Variants in TMEM126B observed in about 807,000 individuals in gnomAD.
TMEM126B encodes the protein transmembrane protein 126B.
Under a neutral mutation model 16.5 loss-of-function variants are expected in TMEM126B, and 19 were observed. That is an observed-to-expected ratio of 1.15 (90% CI 0.80 to 1.69). TMEM126B has a LOEUF of 1.69. TMEM126B is among the 40% of genes most tolerant of loss of function. The pLI, the probability that TMEM126B is intolerant of heterozygous loss-of-function variation, is 0.00. For synonymous variants in TMEM126B, 104 were observed against 93.2 expected, an observed-to-expected ratio of 1.12 and a Z score of -0.67; for missense variants, 293 against 278.7, an observed-to-expected ratio of 1.05 and a Z score of -0.37.
At chr11:85,635,944 A>T in intron 4 of TMEM126B, 102 bp from the exon 5 acceptor site, 1 of 1,335,074 alleles carries the variant, frequency 7.5e-7, no homozygotes, top group Non-Finnish European at 1.0e-6. Flanking sequence ...TTTGCTCTCT[A>T]CATTATAGAT....
At chr11:85,633,561 G>A (rs978992404) in intron 2 of TMEM126B, among the ~76,000 whole-genome samples, 1 of 152,196 alleles carries the variant, frequency 6.6e-6, no homozygotes, top group African/African-American at 2.4e-5. Flanking sequence ...CAGTGATGGT[G>A]AGCATTTTTT....
At chr11:85,628,752 T>A in intron 1 of TMEM126B, 64 bp downstream of exon 1, 1 of 1,437,788 alleles carries the variant, frequency 7.0e-7, no homozygotes, top group Non-Finnish European at 9.4e-7. Context: ...TGGCAGACTC[T>A]TCTAAGATGA....
chr11:85,631,377 C>T (rs1258451152), intron 1 of TMEM126B: 2 of 1,141,380 alleles, frequency 1.8e-6, no homozygotes, highest in Admixed American at 3.6e-5. Flanking sequence ...TCAGTTTGCT[C>T]ATATGTATAG....
In TMEM126B at chr11:85,635,776, C is replaced by CAAGTAAGT; in HGVS notation, c.508_509+6dup. 62 of 1,553,728 alleles carry CAAGTAAGT rather than the reference C, an allele frequency of 4.0e-5. No individual in the cohort carries two copies. The South Asian group carries it at 7.3e-4, about 18-fold the overall frequency. ...TTACTAAAAATGGACGCCTGGCAACCAAGTAAGTTCTTCCTTTTCCTTCTT... is the reference window on the plus strand; with the variant it reads ...TTACTAAAAATGGACGCCTGGCAACCAAGTAAGTAAGTAAGTTCTTCCTTTTCCTTCTT... On this transcript the variant is annotated stop_gained and frameshift_variant and splice_region_variant, in exon 4 of 5. Transcript: ENST00000358867. LOFTEE classifies it low-confidence loss of function (END_TRUNC).
chr11:85,634,071 CTT>C lies in TMEM126B; in HGVS notation c.204-9_204-8del. 1 of 1,592,726 alleles carries C rather than the reference CTT, an allele frequency of 6.3e-7. No individual in the cohort carries two copies. Among genetic ancestry groups the C allele is most frequent in the Non-Finnish European group, 8.5e-7 (1 of 1,173,692 alleles). On this transcript the variant is annotated splice_polypyrimidine_tract_variant and intron_variant, in intron 2 of 4. Transcript: ENST00000358867. ...CAATGGTATAGTGAACTGAATTTTT[CTT>C]TTTTTCTATTAGGACACAAAATATA...
intron 2 of TMEM126B, among the ~76,000 whole-genome samples, chr11:85,633,457 A>G (rs2082343860): frequency 6.6e-6 from 1 of 152,216 alleles, no homozygotes; most frequent in African/African-American, 2.4e-5. Flanking sequence ...CATCCTCTCC[A>G]GCACCTGTTG....
At chr11:85,633,274 T>G (rs956589789) in intron 2 of TMEM126B, among the ~76,000 whole-genome samples, 34 of 152,338 alleles carry the variant, frequency 2.2e-4, no homozygotes, top group East Asian at 1.3e-3. Context: ...CGTGTGCATG[T>G]GTCTTTATAG....
Position 85,633,352 on chromosome 11 carries a change from G to A in TMEM126B, c.204-734G>A, listed in dbSNP as rs1045106301. On this transcript the variant is annotated intron_variant, in intron 2 of 4. Coordinates refer to ENST00000358867, the MANE Select transcript of TMEM126B (RefSeq NM_018480.7). The stretch of plus-strand genomic sequence containing the variant: ...ATGGCTGGGTCAAATGGTATTTCTA[G>A]TTCTAGATCCCTGAGGAATCGTGAC... 2.6e-5 allele frequency among the ~76,000 whole-genome samples: 4 copies of A among 152,154 alleles called. No homozygotes were observed. The East Asian group carries it at 7.7e-4, about 29-fold the overall frequency.
rs1472610540 is a variant in TMEM126B at position 85,636,383 on chromosome 11, T to C, written c.*154T>C. 3 of 462,850 alleles carry C rather than the reference T, an allele frequency of 6.5e-6. No individual in the cohort carries two copies. 28.7% of individuals were successfully genotyped at this position (462,850 alleles called of 1,614,324 possible). A position where few individuals can be genotyped will look rare whatever the true frequency, so the allele number is the denominator to read the frequency against. ...AAATACTCAAAAAGTATTCAATAAT[T>C]CAATCAATAAATATAAGTTTCATCT... On this transcript the variant is annotated 3_prime_UTR_variant, in exon 5 of 5. Coordinates refer to ENST00000358867, the MANE Select transcript of TMEM126B (RefSeq NM_018480.7).
chr11:85,632,193 C>T (rs180994421), intron 2 of TMEM126B, among the ~76,000 whole-genome samples: 1 of 152,204 alleles, frequency 6.6e-6, no homozygotes. Context: ...GTACTTAGTA[C>T]AGCAAAAGGG....
Position 85,635,734 on chromosome 11 carries a change from T to TAGAAAACA in TMEM126B, c.465_466insAGAAAACA (p.Pro156ArgfsTer31). The TAGAAAACA allele has an allele frequency of 3.1e-6, 5 of 1,608,052 alleles. No individual in the cohort carries two copies. Among genetic ancestry groups the TAGAAAACA allele is most frequent in the Non-Finnish European group, 4.2e-6 (5 of 1,178,498 alleles). The stretch of plus-strand genomic sequence containing the variant: ...TTGGCATAGTTTGTGGTGTTTTCTA[T>TAGAAAACA]CCCAGTTCTTTGGCTTTTACTAAAA... On this transcript the variant is annotated frameshift_variant, in exon 4 of 5. Coordinates refer to ENST00000358867, the MANE Select transcript of TMEM126B (RefSeq NM_018480.7). LOFTEE classifies it low-confidence loss of function (END_TRUNC).
chr11:85,636,510 T>G lies in TMEM126B; in HGVS notation c.*281T>G. On this transcript the variant is annotated 3_prime_UTR_variant, in exon 5 of 5. Coordinates refer to ENST00000358867, the MANE Select transcript of TMEM126B (RefSeq NM_018480.7). ...TGTCAATAAATGTAACAATAAAAGT[T>G]TCATCTTTCCTCTTTGTATGTGGAA... 5.2e-6 allele frequency: 1 copy of G among 192,668 alleles called. No homozygotes were observed. The highest frequency in any genetic ancestry group is 1.1e-5 in the Non-Finnish European group (1 of 95,130). The allele number at this position is 192,668 out of a possible 1,614,324, so 11.9% of individuals were successfully genotyped here. A position where few individuals can be genotyped will look rare whatever the true frequency, so the allele number is the denominator to read the frequency against.
Position 85,636,178 on chromosome 11 carries a change from C to T in TMEM126B, c.642C>T (p.Tyr214=), listed in dbSNP as rs1440831916. The T allele has an allele frequency of 6.3e-7, 1 of 1,599,376 alleles. No homozygotes were observed. The change falls in exon 5 of 5, where the codon TAC becomes TAT. Residue 214 remains tyrosine, a synonymous_variant. Transcript: ENST00000358867. ...QIMFGILNGL[Y]HYAVFEETLE... ...TGTTTGGAATATTAAATGGTCTATA[C>T]CATTATGCAGTATTTGAAGAGACAC...
chr11:85,629,576 G>A (rs1482823295), intron 1 of TMEM126B, among the ~76,000 whole-genome samples: 1 of 152,166 alleles, frequency 6.6e-6, no homozygotes. Flanking sequence ...TGTAGACTAG[G>A]TAGGAGATTA....
At chr11:85,632,203 G>T (rs2082313475) in intron 2 of TMEM126B, among the ~76,000 whole-genome samples, 1 of 152,104 alleles carries the variant, frequency 6.6e-6, no homozygotes, top group Non-Finnish European at 1.5e-5. Flanking sequence ...CAGCAAAAGG[G>T]AATACAGATT....
intron 4 of TMEM126B, 130 bp downstream of exon 4, chr11:85,635,908 A>G (rs1591456917): frequency 9.1e-7 from 1 of 1,097,704 alleles, no homozygotes; most frequent in African/African-American, 1.7e-5. Flanking sequence ...GTAGTTTGGT[A>G]TTTCAGATAG....
At position 85,631,204 on chromosome 11, in the gene TMEM126B, TG is replaced by T. The variant is rs569122436; in HGVS notation, c.82-482del. 6.2e-4 allele frequency: 802 copies of T among 1,290,230 alleles called. 9 individuals carry two copies. In the South Asian group the frequency reaches 9.4e-3, roughly 15 times the overall value. The allele number at this position is 1,290,230 out of a possible 1,614,324, so 79.9% of individuals were successfully genotyped here. On this transcript the variant is annotated intron_variant, in intron 1 of 4. Coordinates refer to ENST00000358867, the MANE Select transcript of TMEM126B (RefSeq NM_018480.7). ...TTTCATGAGAAACTGAGGATAGAGA[TG>T]TCAATAAGCAGCCACTGTTTCCACC...
Position 85,631,757 on chromosome 11 carries a change from C to G in TMEM126B, c.152C>G (p.Pro51Arg), listed in dbSNP as rs753343420. The change falls in exon 2 of 5, where the codon CCA (proline) becomes CGA (arginine). Residue 51 changes from proline to arginine, a missense_variant. Pro to Arg is a moderately radical substitution (Grantham distance 103). Coordinates refer to ENST00000358867, the MANE Select transcript of TMEM126B (RefSeq NM_018480.7). ...CTAGAAGATGCAAAACTCAGAAGAC[C>G]AATGGTCATAGAAATCATAGAAAAA... is the stretch of plus-strand genomic sequence containing the variant. ...PSLEDAKLRR[P>R]MVIEIIEKNF... 2.5e-6 allele frequency: 4 copies of G among 1,612,578 alleles called. No homozygotes were observed. Among genetic ancestry groups the G allele is most frequent in the African/African-American group, 1.3e-5 (1 of 74,752 alleles).
Position 85,636,420 on chromosome 11 carries a change from T to TGAA in TMEM126B, c.*191_*192insGAA. The TGAA allele has an allele frequency of 2.7e-6, 1 of 374,574 alleles. No homozygotes were observed. The highest frequency in any genetic ancestry group is 4.7e-6 in the Non-Finnish European group (1 of 210,658). 23.2% of individuals were successfully genotyped at this position (374,574 alleles called of 1,614,324 possible). On this transcript the variant is annotated 3_prime_UTR_variant, in exon 5 of 5. Transcript: ENST00000358867. Reference sequence around the variant, plus strand: ...TATAAGTTTCATCTTACACGTAAGATACAGGTCTTATCTCCTGATGGTGTG... The same window carrying TGAA: ...TATAAGTTTCATCTTACACGTAAGATGAAACAGGTCTTATCTCCTGATGGTGTG...
Sources: allele counts gnomAD v4.1 joint callset (sites outside exome capture counted in the v4.1 genomes callset), GRCh38; gene constraint gnomAD v4.1.1; transcripts MANE v1.5; gene names NCBI Gene and HGNC (gene_info 2026-07-23, HGNC 2026-07-21).